PCDHA11: variants seen among roughly 807,000 people sequenced by gnomAD.
PCDHA11 encodes the protein protocadherin alpha-11.
In PCDHA11, 61 loss-of-function variants were observed where a neutral mutation model predicts 70.3. The observed-to-expected ratio is 0.87, with a 90% confidence interval of 0.71 to 1.07. PCDHA11 has a LOEUF of 1.07. Among genes scored for constraint, PCDHA11 ranks in the 50% least tolerant of loss-of-function variants. The pLI is 0.00. For synonymous variants in PCDHA11, 633 were observed against 555.1 expected, an observed-to-expected ratio of 1.14 and a Z score of -1.97; for missense variants, 1,324 against 1,237.5, an observed-to-expected ratio of 1.07 and a Z score of -1.05.
rs146952531 is a variant in PCDHA11 at position 140,951,754 on chromosome 5, G to A, written c.2392-27195G>A. Among the ~76,000 whole-genome samples the A allele has an allele frequency of 4.6e-3, 703 of 152,152 alleles. 3 individuals are homozygous for A. The highest frequency in any genetic ancestry group is 0.016 in the African/African-American group (681 of 41,502). ...TTCTGCCACTGCCCTCACCCTCCGC[G>A]AAATCTCATGACGTTCTTACATTGC... On this transcript the variant is annotated intron_variant, in intron 1 of 3. Transcript: ENST00000398640.
intron 1 of PCDHA11, among the ~76,000 whole-genome samples, chr5:140,955,285 G>T (rs2095164466): frequency 6.6e-6 from 1 of 151,896 alleles, no homozygotes; most frequent in Non-Finnish European, 1.5e-5. Context: ...ATATTGATAT[G>T]GTTTGGCTGT....
At chr5:140,992,236 G>A (rs1431521103) in intron 3 of PCDHA11, among the ~76,000 whole-genome samples, 1 of 152,168 alleles carries the variant, frequency 6.6e-6, no homozygotes, top group African/African-American at 2.4e-5. Context: ...GAAGAGTAAG[G>A]AAGGAAGTAG....
intron 1 of PCDHA11, among the ~76,000 whole-genome samples, chr5:140,947,805 G>T (rs1474604810): frequency 6.6e-6 from 1 of 151,504 alleles, no homozygotes; most frequent in Non-Finnish European, 1.5e-5. Flanking sequence ...TTAATTTGCA[G>T]AGACTATTTC....
At chr5:140,942,105 A>G (rs572263085) in intron 1 of PCDHA11, among the ~76,000 whole-genome samples, 2 of 152,344 alleles carry the variant, frequency 1.3e-5, no homozygotes, top group South Asian at 2.1e-4. Context: ...CATTCATATA[A>G]TCAAACTTTA....
chr5:140,871,484 A>G lies in PCDHA11; in HGVS notation c.2381A>G (p.His794Arg). 6.3e-7 allele frequency: 1 copy of G among 1,592,270 alleles called. No individual in the cohort carries two copies. Among genetic ancestry groups the G allele is most frequent in the Non-Finnish European group, 8.6e-7 (1 of 1,168,068 alleles). ...EGERQEPGSNHPGQPRQPNPD... is the reference protein window; with the variant it reads ...EGERQEPGSNRPGQPRQPNPD... ...GAAAGACAGGAGCCAGGGTCAAATC[A>G]CCCCGGACAGGTGAGTTTTCTACAG... Residue 794 changes from histidine (H) to arginine (R), a missense_variant, in exon 1 of 4, where the codon CAC becomes CGC. Transcript: ENST00000398640.
intron 2 of PCDHA11, 123 bp from the exon 3 acceptor site, chr5:140,982,352 G>A (rs1554244046): frequency 4.0e-6 from 6 of 1,507,640 alleles, no homozygotes; most frequent in Non-Finnish European, 5.3e-6. Context: ...TTCAGTTCAA[G>A]CATGAGCAGA....
At chr5:140,992,044 T>A (rs1160444128) in intron 3 of PCDHA11, among the ~76,000 whole-genome samples, 1 of 151,788 alleles carries the variant, frequency 6.6e-6, no homozygotes, top group African/African-American at 2.4e-5. Flanking sequence ...TGTGTGTGTG[T>A]GTGTGTGTGT....
chr5:140,870,552 G>A lies in PCDHA11; in HGVS notation c.1449G>A (p.Ala483=). Residue 483 remains alanine (A), a synonymous_variant, in exon 1 of 4, where the codon GCG becomes GCA. Coordinates refer to ENST00000398640, the MANE Select transcript of PCDHA11 (RefSeq NM_018902.5). ...CAGTGTCGGCGCGGGACGCGGACGC[G>A]CAGGAGAACGCGCTGGTGTCCTACT... ...IFTVSARDAD[A]QENALVSYSL... The A allele has an allele frequency of 1.2e-6, 2 of 1,614,042 alleles. No individual in the cohort carries two copies. The highest frequency in any genetic ancestry group is 1.7e-6 in the Non-Finnish European group (2 of 1,180,004).
intron 1 of PCDHA11, among the ~76,000 whole-genome samples, chr5:140,973,515 T>G (rs1008643152): frequency 1.4e-4 from 21 of 152,232 alleles, no homozygotes; most frequent in African/African-American, 4.8e-4. Flanking sequence ...AAAAGTTTAT[T>G]TTCTTTGGTC....
intron 1 of PCDHA11, among the ~76,000 whole-genome samples, chr5:140,899,340 C>T (rs1199833845): frequency 6.6e-6 from 1 of 152,062 alleles, no homozygotes; most frequent in Non-Finnish European, 1.5e-5. Flanking sequence ...TCATAGATAG[C>T]TCTTATTATT....
At chr5:140,975,562 A>T (rs1445534188) in intron 1 of PCDHA11, among the ~76,000 whole-genome samples, 2 of 152,206 alleles carry the variant, frequency 1.3e-5, no homozygotes, top group African/African-American at 4.8e-5. Flanking sequence ...GGAAAAGGAG[A>T]TATTATATGC....
At position 140,869,654 on chromosome 5, in the gene PCDHA11, C is replaced by G; in HGVS notation, c.551C>G (p.Thr184Arg). 2 of 1,613,446 alleles carry G rather than the reference C, an allele frequency of 1.2e-6. No homozygotes were observed. Among genetic ancestry groups the G allele is most frequent in the African/African-American group, 1.3e-5 (1 of 74,976 alleles). Residue 184 changes from threonine to arginine, a missense_variant, in exon 1 of 4, where the codon ACA (threonine) becomes AGA (arginine). Coordinates refer to ENST00000398640, the MANE Select transcript of PCDHA11 (RefSeq NM_018902.5). The stretch of plus-strand genomic sequence containing the variant: ...GAGTATTTTTCTTTAGATTCACCAA[C>G]AAATGGTAAGCAGATTAAAAGACTG... ...KNEYFSLDSP[T>R]NGKQIKRLSL... is the part of the protein sequence containing the mutation.
At chr5:140,882,944 G>A (rs2059374287) in intron 1 of PCDHA11, 2 of 1,614,088 alleles carry the variant, frequency 1.2e-6, no homozygotes, top group Non-Finnish European at 8.5e-7. Flanking sequence ...GACTGGCACA[G>A]TTCAGCTGCT....
chr5:140,991,433 T>G (rs1441155854), intron 3 of PCDHA11, among the ~76,000 whole-genome samples: 1 of 152,194 alleles, frequency 6.6e-6, no homozygotes, highest in Non-Finnish European at 1.5e-5. Context: ...AACCATAAAC[T>G]TCATGGCTTA....
At position 140,903,816 on chromosome 5, in the gene PCDHA11, C is replaced by T. The variant is rs963125816; in HGVS notation, c.2391+32322C>T. On this transcript the variant is annotated intron_variant, in intron 1 of 3. Coordinates refer to ENST00000398640, the MANE Select transcript of PCDHA11 (RefSeq NM_018902.5). ...TTGTAATTGACAAGTATAGTTCTCACATGAATGTCTGTTGGTATTTTCATT... is the reference window on the plus strand; with the variant it reads ...TTGTAATTGACAAGTATAGTTCTCATATGAATGTCTGTTGGTATTTTCATT... Among the ~76,000 whole-genome samples, 7 of 152,190 alleles carry T rather than the reference C, an allele frequency of 4.6e-5. 1 individual carries two copies. The highest frequency in any genetic ancestry group is 2.6e-4 in the Admixed American group (4 of 15,282).
intron 1 of PCDHA11, chr5:140,969,368 G>A: frequency 6.2e-7 from 1 of 1,608,874 alleles, no homozygotes; most frequent in Non-Finnish European, 8.5e-7. Flanking sequence ...ACAAACTCAT[G>A]CATTTGTTAC....
intron 3 of PCDHA11, among the ~76,000 whole-genome samples, chr5:140,994,027 A>G (rs1237081548): frequency 2.6e-5 from 4 of 152,234 alleles, no homozygotes; most frequent in Non-Finnish European, 2.9e-5. Context: ...TGCAGATATA[A>G]TATTAAATAT....
chr5:140,929,325 G>A (rs782073530), intron 1 of PCDHA11: 4 of 1,538,392 alleles, frequency 2.6e-6, no homozygotes, highest in Non-Finnish European at 3.5e-6. Flanking sequence ...TCAATGCCAT[G>A]GTAAGCAAAT....
intron 1 of PCDHA11, among the ~76,000 whole-genome samples, chr5:140,976,407 C>T (rs781867787): frequency 1.1e-4 from 17 of 151,868 alleles, no homozygotes; most frequent in Non-Finnish European, 2.1e-4. Flanking sequence ...AAAAATTAGC[C>T]AGGTACGGTG....
Sources: gnomAD v4.1 joint callset for allele counts (sites outside exome capture counted in the v4.1 genomes callset) on GRCh38, gnomAD v4.1.1 for gene constraint, MANE v1.5 for transcripts, NCBI Gene and HGNC (gene_info 2026-07-23, HGNC 2026-07-21) for gene names.